The following MCC variants were observed in gnomAD, a reference collection of about 807,000 sequenced individuals.
MCC encodes the protein colorectal mutant cancer protein.
Under a neutral mutation model 116.2 loss-of-function variants are expected in MCC, and 90 were observed. That is an observed-to-expected ratio of 0.77 (90% CI 0.65 to 0.92). The LOEUF is 0.92. MCC is among the 40% of genes least tolerant of loss of function. The probability of loss-of-function intolerance (pLI) is 0.00; values close to 1 mark genes in which losing one functional copy is unlikely to be tolerated. For synonymous variants in MCC, 578 were observed against 510.5 expected (o/e 1.13, Z -1.78); for missense variants, 1,516 against 1,312.2 (o/e 1.16, Z -2.40).
intron 3 of MCC, chr5:113,204,386 T>G (rs1243175992): frequency 6.6e-6 from 1 of 152,182 alleles, no homozygotes; most frequent in African/African-American, 2.4e-5. Context: ...GGATAGCTAG[T>G]TAAAATTCAC....
chr5:113,331,523 GT>G (rs1767695865), intron 3 of MCC, among the ~76,000 whole-genome samples: 2 of 151,654 alleles, frequency 1.3e-5, no homozygotes, highest in Admixed American at 1.3e-4. Flanking sequence ...CCATATCCCT[GT>G]TTTTAAAATA....
intron 4 of MCC, 95 bp from the exon 5 acceptor site, chr5:113,143,455 C>A: frequency 7.6e-7 from 1 of 1,313,694 alleles, no homozygotes; most frequent in Non-Finnish European, 1.1e-6. Context: ...TTACAACTGC[C>A]AACACTGAGT....
At position 113,434,751 on chromosome 5, in the gene MCC, T is replaced by C. The variant is rs754431398; in HGVS notation, c.171-49539A>G. The C allele has an allele frequency of 1.2e-6, 2 of 1,614,044 alleles. No homozygotes were observed. Among genetic ancestry groups the C allele is most frequent in the East Asian group, 2.2e-5 (1 of 44,878 alleles). On this transcript the variant is annotated intron_variant, in intron 1 of 18. Coordinates refer to ENST00000408903, the MANE Select transcript of MCC (RefSeq NM_001085377.2). This position sits in a 1 kb window ranked among gnomAD's most constrained non-coding sequence, Gnocchi z 4.2. ...CACATTGAACTTCAGGCGCTCAGAG[T>C]AAGCAGATTTTACTTTTGCATAGGA...
chr5:113,270,012 A>G (rs2150352542), intron 3 of MCC, among the ~76,000 whole-genome samples: 1 of 152,376 alleles, frequency 6.6e-6, no homozygotes, highest in South Asian at 2.1e-4. Flanking sequence ...GAGAATAAGA[A>G]AATGTTTCAG....
chr5:113,052,182 C>A (rs1022998224), intron 15 of MCC, among the ~76,000 whole-genome samples: 3 of 152,158 alleles, frequency 2.0e-5, no homozygotes, highest in Admixed American at 1.3e-4. Context: ...ATTTATCACC[C>A]CACGTTGGCC....
intron 7 of MCC, among the ~76,000 whole-genome samples, chr5:113,103,538 A>G (rs575843027): frequency 1.8e-4 from 27 of 152,378 alleles, no homozygotes; most frequent in Non-Finnish European, 3.1e-4. Context: ...ACAAACATGC[A>G]TCGTGGTTTA....
intron 3 of MCC, among the ~76,000 whole-genome samples, chr5:113,303,685 G>A (rs1766916781): frequency 6.6e-6 from 1 of 152,142 alleles, no homozygotes; most frequent in Non-Finnish European, 1.5e-5. Context: ...TTTTGAGACA[G>A]AGTCTCACTC....
rs1319959722 is a variant in MCC at position 113,162,563 on chromosome 5, C to T, written c.628-11141G>A. 2.0e-5 allele frequency among the ~76,000 whole-genome samples: 3 copies of T among 151,974 alleles called. No homozygotes were observed. The East Asian group carries it at 5.8e-4, about 29-fold the overall frequency. ...CCAGGTTAGAATGCAGTGGCAAGAA[C>T]ACAACTCACTGCAGCCTCGAAATCC... On this transcript the variant is annotated intron_variant, in intron 3 of 18. Transcript: ENST00000408903.
At chr5:113,039,279 C>T (rs1751525440) in intron 17 of MCC, among the ~76,000 whole-genome samples, 1 of 152,180 alleles carries the variant, frequency 6.6e-6, no homozygotes, top group South Asian at 2.1e-4. Context: ...TTTGAACTGG[C>T]CTCCAGGGAT....
chr5:113,188,165 T>G (rs1424104888), intron 3 of MCC, among the ~76,000 whole-genome samples: 1 of 152,230 alleles, frequency 6.6e-6, no homozygotes, highest in Non-Finnish European at 1.5e-5. Context: ...CCTATATCAA[T>G]GCCAGCTTGT....
At chr5:113,254,798 A>C (rs1001229921) in intron 3 of MCC, among the ~76,000 whole-genome samples, 1 of 152,190 alleles carries the variant, frequency 6.6e-6, no homozygotes, top group Non-Finnish European at 1.5e-5. Context: ...GGATTTTCCC[A>C]ATCTAAGAGT....
chr5:113,397,142 T>C (rs1769547858), intron 1 of MCC, among the ~76,000 whole-genome samples: 1 of 152,174 alleles, frequency 6.6e-6, no homozygotes, highest in African/African-American at 2.4e-5. Flanking sequence ...TGAAGAGTTA[T>C]GAAGGAAAGG....
At chr5:113,133,538 C>T (rs757955643) in intron 5 of MCC, among the ~76,000 whole-genome samples, 7 of 151,690 alleles carry the variant, frequency 4.6e-5, no homozygotes, top group Non-Finnish European at 7.4e-5. Context: ...TTGATAGGCA[C>T]TGATATTGAT....
Position 113,053,813 on chromosome 5 carries a change from G to A in MCC, c.2360C>T (p.Pro787Leu), listed in dbSNP as rs763487342. 10 of 1,614,146 alleles carry A rather than the reference G, an allele frequency of 6.2e-6. No individual in the cohort carries two copies. Among genetic ancestry groups the A allele is most frequent in the East Asian group, 2.2e-5 (1 of 44,884 alleles). ...CCGAGGCTTGACGTCATAGCTGAGA[G>A]GATCGATGTGGATGCTTTCCAGCTC... ...MLELESIHID[P>L]LSYDVKPRGD... Residue 787 changes from proline to leucine, a missense_variant, in exon 15 of 19, where the codon CCT becomes CTT. Transcript: ENST00000408903.
At chr5:113,278,355 G>T (rs541783185) in intron 3 of MCC, among the ~76,000 whole-genome samples, 15 of 152,284 alleles carry the variant, frequency 9.9e-5, no homozygotes, top group African/African-American at 3.4e-4. Context: ...GGCACTATTA[G>T]GCACTATGCA....
chr5:113,142,049 G>T (rs1759208831), intron 5 of MCC, among the ~76,000 whole-genome samples: 1 of 152,060 alleles, frequency 6.6e-6, no homozygotes, highest in African/African-American at 2.4e-5. Context: ...AAGCCTTGAG[G>T]TTCTAAATTA....
At position 113,042,248 on chromosome 5, in the gene MCC, G is replaced by A. The variant is rs986923083; in HGVS notation, c.2756+1282C>T. On this transcript the variant is annotated intron_variant, in intron 17 of 18. Transcript: ENST00000408903. Reference sequence around the variant, plus strand: ...ACATTTTGGGAGGCCAAGATGGGAAGATCACTTGAGCCCAGGAGTTTGAGA... The same window carrying A: ...ACATTTTGGGAGGCCAAGATGGGAAAATCACTTGAGCCCAGGAGTTTGAGA... 4.7e-5 allele frequency among the ~76,000 whole-genome samples: 7 copies of A among 147,576 alleles called. No individual in the cohort carries two copies. In the South Asian group the frequency reaches 1.5e-3, roughly 32 times the overall value.
intron 4 of MCC, among the ~76,000 whole-genome samples, chr5:113,148,481 T>C (rs572609939): frequency 6.6e-6 from 1 of 152,376 alleles, no homozygotes; most frequent in African/African-American, 2.4e-5. Flanking sequence ...GTAATGTCTG[T>C]TGAACATAAC....
intron 3 of MCC, among the ~76,000 whole-genome samples, chr5:113,223,703 C>G (rs796143119): frequency 3.9e-5 from 6 of 152,214 alleles, no homozygotes; most frequent in African/African-American, 1.4e-4. Flanking sequence ...AATGACCGAT[C>G]TACAAAGAAG....
Sources: gnomAD v4.1 joint callset for allele counts (sites outside exome capture counted in the v4.1 genomes callset) on GRCh38, gnomAD v4.1.1 for gene constraint, Gnocchi (gnomAD v3.1) non-coding constraint, MANE v1.5 for transcripts, NCBI Gene and HGNC (gene_info 2026-07-23, HGNC 2026-07-21) for gene names.